HNF4A: variants seen among roughly 807,000 people sequenced by gnomAD.
HNF4A encodes hepatocyte nuclear factor 4 alpha, also known as hepatocyte nuclear factor 4-alpha.
HNF4A carries 15 observed loss-of-function variants against 52.4 expected under a neutral mutation model. The ratio of observed to expected loss-of-function variants is 0.29; its 90% CI spans 0.19 to 0.44. HNF4A has a LOEUF of 0.44. Among genes scored for constraint, HNF4A ranks in the 20% least tolerant of loss-of-function variants. The pLI, the probability that HNF4A is intolerant of heterozygous loss-of-function variation, is 1.00. For synonymous variants in HNF4A, 280 were observed against 264.4 expected (o/e 1.06, Z -0.57); for missense variants, 479 against 647.2 (o/e 0.74, Z 2.82).
rs1385570607 is a variant in HNF4A, at chr20:44,367,331, G to T, written c.49+11478G>T. On this transcript the variant is annotated intron_variant, in intron 1 of 9. Coordinates refer to the HNF4A transcript ENST00000316673. ...GCCTGGGCAACAAAAGCGAAACTCT[G>T]TCTCAAAAAAAAAAAAAAAAAATTA... Among the ~76,000 whole-genome samples, 9 of 127,636 alleles carry T rather than the reference G, an allele frequency of 7.1e-5. No homozygotes were observed. The South Asian group carries it at 2.0e-3, about 29-fold the overall frequency. 83.7% of individuals were successfully genotyped at this position (127,636 alleles called of 152,430 possible). A position where few individuals can be genotyped will look rare whatever the true frequency, so the allele number is the denominator to read the frequency against.
At chr20:44,366,343 G>A (rs114037570) in intron 1 of HNF4A, among the ~76,000 whole-genome samples, 1,711 of 152,140 alleles carry the variant, frequency 0.011, 24 homozygotes, top group African/African-American at 0.04. Context: ...CCTATTGGCC[G>A]GGCGCAGTGG....
At chr20:44,385,588 C>A (rs1372261808) in intron 1 of HNF4A, among the ~76,000 whole-genome samples, 1 of 151,818 alleles carries the variant, frequency 6.6e-6, no homozygotes, top group Admixed American at 6.6e-5. Context: ...CCTGCCCCAG[C>A]CTCCCAAGTA....
chr20:44,400,891 A>G (rs2063398426), upstream of HNF4A, among the ~76,000 whole-genome samples: 1 of 152,040 alleles, frequency 6.6e-6, no homozygotes, highest in East Asian at 1.9e-4. Flanking sequence ...TGATTTGGGA[A>G]GTTATTGAAT....
At chr20:44,358,041 A>G (rs1437274058) in intron 1 of HNF4A, among the ~76,000 whole-genome samples, 8 of 149,870 alleles carry the variant, frequency 5.3e-5, no homozygotes, top group Non-Finnish European at 8.9e-5. Context: ...ATGTGTGCCT[A>G]TGTGTATGTG....
chr20:44,385,059 C>CTTTTTTTTTT lies in HNF4A; in HGVS notation c.50-20980_50-20971dup, dbSNP rs775721024. On this transcript the variant is annotated intron_variant, in intron 1 of 9. Coordinates refer to the HNF4A transcript ENST00000316673. Reference sequence around the variant, plus strand: ...AGTGGTTTCAGCTGAACTCTGTGATCTTTTTTTTTTTTTTTTTTTTTTTTT... The same window carrying CTTTTTTTTTT: ...AGTGGTTTCAGCTGAACTCTGTGATCTTTTTTTTTTTTTTTTTTTTTTTTTTTTTTTTTTT... 1.1e-3 allele frequency among the ~76,000 whole-genome samples: 37 copies of CTTTTTTTTTT among 34,982 alleles called. 6 individuals carry two copies. The highest frequency in any genetic ancestry group is 5.3e-3 in the South Asian group (2 of 374). 22.9% of individuals were successfully genotyped at this position (34,982 alleles called of 152,430 possible). A position where few individuals can be genotyped will look rare whatever the true frequency, so the allele number is the denominator to read the frequency against.
At position 44,370,909 on chromosome 20, in the gene HNF4A, G is replaced by A. The variant is rs549850838; in HGVS notation, c.49+15056G>A. On this transcript the variant is annotated intron_variant, in intron 1 of 9. Transcript: ENST00000316673. Reference sequence around the variant, plus strand: ...GAGCCTGGGCCGCCAAACTGCCAACGCCTCTGTATTCTCTGGGACAAGCAG... The same window carrying A: ...GAGCCTGGGCCGCCAAACTGCCAACACCTCTGTATTCTCTGGGACAAGCAG... 1.4e-4 allele frequency among the ~76,000 whole-genome samples: 22 copies of A among 152,298 alleles called. No individual in the cohort carries two copies. In the South Asian group the frequency reaches 3.9e-3, roughly 27 times the overall value.
intron 1 of HNF4A, among the ~76,000 whole-genome samples, chr20:44,369,765 G>A (rs949122445): frequency 1.3e-5 from 2 of 151,828 alleles, no homozygotes; most frequent in Non-Finnish European, 2.9e-5. Flanking sequence ...CTCCCAAGAA[G>A]CTGGGATTAC....
At chr20:44,415,194 A>T (rs2063646291) in intron 5 of HNF4A, among the ~76,000 whole-genome samples, 1 of 152,144 alleles carries the variant, frequency 6.6e-6, no homozygotes, top group South Asian at 2.1e-4. Context: ...TCCACTTTAG[A>T]GTGTGGTTGG....
At chr20:44,376,210 A>G (rs1443855354) in intron 1 of HNF4A, among the ~76,000 whole-genome samples, 11 of 152,218 alleles carry the variant, frequency 7.2e-5, no homozygotes, top group African/African-American at 2.7e-4. Flanking sequence ...GGTTGCAGTG[A>G]GCCGAGATCA....
intron 1 of HNF4A, among the ~76,000 whole-genome samples, chr20:44,375,581 C>T (rs537399569): frequency 3.3e-5 from 5 of 151,666 alleles, no homozygotes; most frequent in East Asian, 1.9e-4. Flanking sequence ...AAAGGTGATT[C>T]GGCCAAAGTC....
intron 5 of HNF4A, among the ~76,000 whole-genome samples, chr20:44,417,801 G>A (rs146235351): frequency 0.02 from 3,088 of 151,852 alleles, 96 homozygotes; most frequent in African/African-American, 0.071. Flanking sequence ...GTGAAACCCC[G>A]TCTCTACTAA....
At chr20:44,359,344 C>T (rs1264234473) in intron 1 of HNF4A, among the ~76,000 whole-genome samples, 1 of 152,194 alleles carries the variant, frequency 6.6e-6, no homozygotes, top group Non-Finnish European at 1.5e-5. Context: ...TCTGCACTTA[C>T]GTGTCTGAAG....
At position 44,419,760 on chromosome 20, in the gene HNF4A, C is replaced by T. The variant is rs145542196; in HGVS notation, c.776C>T (p.Ala259Val). The stretch of plus-strand genomic sequence containing the variant: ...GTCCCTCGGCACTGCCCGGAGCTGG[C>T]GGAGATGAGCCGGGTGTCCATACGC... The change falls in exon 7 of 10, where the codon GCG becomes GTG. Residue 259 changes from alanine to valine, a missense_variant. Transcript: ENST00000316099. 10 of 1,613,872 alleles carry T rather than the reference C, an allele frequency of 6.2e-6. No homozygotes were observed. The highest frequency in any genetic ancestry group is 4.0e-5 in the African/African-American group (3 of 74,910).
At chr20:44,360,333 T>C (rs1028176035) in intron 1 of HNF4A, among the ~76,000 whole-genome samples, 8 of 151,998 alleles carry the variant, frequency 5.3e-5, no homozygotes, top group African/African-American at 1.9e-4. Flanking sequence ...ATGAGACAAA[T>C]GAATGAGTAA....
chr20:44,370,642 G>C (rs1177408167), intron 1 of HNF4A, among the ~76,000 whole-genome samples: 1 of 152,218 alleles, frequency 6.6e-6, no homozygotes, highest in Non-Finnish European at 1.5e-5. Flanking sequence ...GAGTTAGGCT[G>C]TCTTGTCCCC....
chr20:44,404,934 G>GTGTA (rs2063472126), intron 1 of HNF4A, among the ~76,000 whole-genome samples: 1 of 125,288 alleles, frequency 8.0e-6, no homozygotes. Context: ...TGTGTGGTGT[G>GTGTA]TGTGCGTGTG....
At chr20:44,418,361 G>A in intron 5 of HNF4A, 64 bp from the exon 6 acceptor site, 1 of 1,327,844 alleles carries the variant, frequency 7.5e-7, no homozygotes, top group Non-Finnish European at 1.1e-6. Flanking sequence ...CAGCGTCACT[G>A]AGTTGGCTAC....
intron 1 of HNF4A, among the ~76,000 whole-genome samples, chr20:44,379,857 C>G (rs1371761084): frequency 6.6e-6 from 1 of 151,786 alleles, no homozygotes; most frequent in Non-Finnish European, 1.5e-5. Flanking sequence ...CCTCAGCCTC[C>G]TGAGTAGCTG....
At chr20:44,411,460 C>G (rs2063580773) in intron 3 of HNF4A, among the ~76,000 whole-genome samples, 1 of 152,122 alleles carries the variant, frequency 6.6e-6, no homozygotes, top group African/African-American at 2.4e-5. Context: ...CCCTTTCATT[C>G]CGCCCGCCGG....
Sources: allele counts gnomAD v4.1 joint callset (sites outside exome capture counted in the v4.1 genomes callset), GRCh38; gene constraint gnomAD v4.1.1; transcripts MANE v1.5; gene names NCBI Gene and HGNC (gene_info 2026-07-23, HGNC 2026-07-21).